RANGAP1: variants seen among roughly 807,000 people sequenced by gnomAD.
The protein encoded by RANGAP1 is Ran GTPase activating protein 1.
RANGAP1 carries 38 observed loss-of-function variants against 63.5 expected under a neutral mutation model. The observed-to-expected ratio is 0.60, with a 90% CI of 0.46 to 0.78. RANGAP1 has a LOEUF of 0.78. RANGAP1 is among the 30% of genes least tolerant of loss of function. The probability of loss-of-function intolerance (pLI) is 0.00; values close to 1 mark genes in which losing one functional copy is unlikely to be tolerated. For synonymous variants in RANGAP1, 329 were observed against 310.5 expected (o/e 1.06, Z -0.63); for missense variants, 630 against 740.3 (o/e 0.85, Z 1.73).
Position 41,257,576 on chromosome 22 carries a change from C to A in RANGAP1, c.774+372G>T, listed in dbSNP as rs1569181552. Among the ~76,000 whole-genome samples the A allele has an allele frequency of 6.6e-6, 1 of 152,156 alleles. No individual in the cohort carries two copies. Among genetic ancestry groups the A allele is most frequent in the African/African-American group, 2.4e-5 (1 of 41,428 alleles). On this transcript the variant is annotated intron_variant, in intron 7 of 15. Transcript: ENST00000356244. The surrounding 1 kb of genome is among the most constrained non-coding windows in gnomAD (Gnocchi z 4.0). ...ACCAGCTTGGGCAACAGTAAGATTC[C>A]GTCTCAAAAAGTGATAATAAATAAC...
intron 2 of RANGAP1, among the ~76,000 whole-genome samples, chr22:41,280,468 C>T (rs2035432177): frequency 6.6e-6 from 1 of 152,244 alleles, no homozygotes; most frequent in African/African-American, 2.4e-5. Flanking sequence ...CTCCCAGGTA[C>T]ATCTGGTTGC....
the RANGAP1 span, among the ~76,000 whole-genome samples, chr22:41,294,930 G>A: frequency 2.0e-5 from 2 of 101,226 alleles, no homozygotes; most frequent in Non-Finnish European, 4.0e-5. Flanking sequence ...GGAGGGAGGT[G>A]GGGGATCAGC....
At chr22:41,294,321 C>T in the RANGAP1 span, among the ~76,000 whole-genome samples, 116 of 152,336 alleles carry the variant, frequency 7.6e-4, no homozygotes, top group East Asian at 2.5e-3. Context: ...CCCGAGGTGC[C>T]GGGATTGCAG....
chr22:41,258,220 A>T, intron 6 of RANGAP1, 114 bp from the exon 7 acceptor site: 1 of 1,213,436 alleles, frequency 8.2e-7, no homozygotes, highest in Non-Finnish European at 1.1e-6. Context: ...AGCACAGGGC[A>T]GGGGCCTGTC....
intron 1 of RANGAP1, among the ~76,000 whole-genome samples, chr22:41,284,006 T>C (rs893937685): frequency 1.3e-5 from 2 of 152,140 alleles, no homozygotes; most frequent in African/African-American, 4.8e-5. Context: ...CCTAGTACTT[T>C]GGGAGGCTGA....
intron 5 of RANGAP1, among the ~76,000 whole-genome samples, chr22:41,264,360 G>A (rs78297741): frequency 0.016 from 2,428 of 152,322 alleles, 60 homozygotes; most frequent in African/African-American, 0.056. Context: ...GCTGCTCTGC[G>A]GGTACAGTGA....
intron 6 of RANGAP1, among the ~76,000 whole-genome samples, chr22:41,260,283 C>T (rs559702750): frequency 3.3e-5 from 5 of 152,284 alleles, no homozygotes; most frequent in Admixed American, 1.3e-4. Flanking sequence ...AACCACAGCG[C>T]ACCCCCTCCT....
the RANGAP1 span, among the ~76,000 whole-genome samples, chr22:41,298,218 G>T: frequency 6.6e-6 from 1 of 151,604 alleles, no homozygotes; most frequent in East Asian, 1.9e-4. Flanking sequence ...GGCTAGGCTG[G>T]TCTTGAACTC....
chr22:41,292,553 T>A, the RANGAP1 span, among the ~76,000 whole-genome samples: 6 of 148,438 alleles, frequency 4.0e-5, no homozygotes, highest in African/African-American at 9.9e-5. Context: ...GAGCTCAGGA[T>A]TTTGAGACCC....
chr22:41,268,064 CGCGTG>C lies in RANGAP1; in HGVS notation c.300+28_300+32del, dbSNP rs749394918. ...CTGGGAATTGCCAAAGAGGGCCTTGCGCGTGGAGGGGAAGAGCGGCTAGTTCGCTT... is the reference window on the plus strand; with the variant it reads ...CTGGGAATTGCCAAAGAGGGCCTTGCGAGGGGAAGAGCGGCTAGTTCGCTT... On this transcript the variant is annotated intron_variant, in intron 4 of 15. Coordinates refer to ENST00000356244, the MANE Select transcript of RANGAP1 (RefSeq NM_002883.4). 3 of 1,497,936 alleles carry C rather than the reference CGCGTG, an allele frequency of 2.0e-6. No homozygotes were observed. The South Asian group carries it at 3.6e-5, about 18-fold the overall frequency. 92.8% of individuals were successfully genotyped at this position (1,497,936 alleles called of 1,614,324 possible).
At chr22:41,295,701 A>C in the RANGAP1 span, among the ~76,000 whole-genome samples, 1 of 151,340 alleles carries the variant, frequency 6.6e-6, no homozygotes, top group African/African-American at 2.4e-5. Context: ...TCAATTAAAA[A>C]AAAAAAAAAA....
At chr22:41,280,602 T>G in intron 2 of RANGAP1, 1 of 1,184,118 alleles carries the variant, frequency 8.4e-7, no homozygotes, top group Non-Finnish European at 1.1e-6. Context: ...AGGGCAAGGG[T>G]GGGGACAACA....
intron 15 of RANGAP1, among the ~76,000 whole-genome samples, chr22:41,248,983 C>T (rs185897441): frequency 6.6e-6 from 1 of 152,348 alleles, no homozygotes; most frequent in East Asian, 1.9e-4. Flanking sequence ...GCTCAGCAGA[C>T]ATGGGTCTGG....
chr22:41,262,277 G>A lies in RANGAP1; in HGVS notation c.481-697C>T, dbSNP rs56953384. Among the ~76,000 whole-genome samples the A allele has an allele frequency of 3.0e-3, 459 of 152,290 alleles. 12 individuals carry two copies. In the East Asian group the frequency reaches 0.065, roughly 22 times the overall value. Reference sequence around the variant, plus strand: ...ACCATTAGGAAAAGCACTGAAAAACGGAGACTGACCGATGGGAATCAGAGC... The same window carrying A: ...ACCATTAGGAAAAGCACTGAAAAACAGAGACTGACCGATGGGAATCAGAGC... On this transcript the variant is annotated intron_variant, in intron 5 of 15. Transcript: ENST00000356244.
At chr22:41,273,793 A>AAG in intron 3 of RANGAP1, among the ~76,000 whole-genome samples, 2 of 141,454 alleles carry the variant, frequency 1.4e-5, no homozygotes, top group African/African-American at 2.6e-5. Flanking sequence ...AAAAAAAAAA[A>AAG]GGCCGGGAGC....
chr22:41,290,229 C>CTT (rs11336113), upstream of RANGAP1, among the ~76,000 whole-genome samples: 20 of 108,298 alleles, frequency 1.8e-4, no homozygotes, highest in African/African-American at 6.6e-4. Context: ...ATTATTATTA[C>CTT]TTTTTTTTTT....
chr22:41,274,790 G>C, intron 2 of RANGAP1, 63 bp from the exon 3 acceptor site: 1 of 1,598,674 alleles, frequency 6.3e-7, no homozygotes, highest in Non-Finnish European at 8.5e-7. Context: ...AGATAGGAGA[G>C]AGGTTGGCAA....
intron 2 of RANGAP1, among the ~76,000 whole-genome samples, chr22:41,275,406 G>A (rs1474419758): frequency 6.6e-6 from 1 of 150,874 alleles, no homozygotes; most frequent in African/African-American, 2.4e-5. Flanking sequence ...GCAGGAGAAT[G>A]TCTTGAACCT....
Position 41,252,910 on chromosome 22 carries a change from G to C in RANGAP1, c.1342C>G (p.Arg448Gly). The change falls in exon 12 of 16, where the codon CGC becomes GGC. Residue 448 changes from arginine to glycine, a missense_variant. Around this residue, in one of 3 missense-constraint regions of RANGAP1, gnomAD observed 428 missense variants for 465.5 expected, o/e 0.92. Transcript: ENST00000356244. Reference sequence around the variant, plus strand: ...AGCACGGAGCTCTTGGGCCCTAGGCGCAGCAGCTTCTCTGGAGAGGGAAAA... The same window carrying C: ...AGCACGGAGCTCTTGGGCCCTAGGCCCAGCAGCTTCTCTGGAGAGGGAAAA... ...LAFPSPEKLL[R>G]LGPKSSVLIA... The C allele has an allele frequency of 1.3e-6, 2 of 1,572,810 alleles. No individual in the cohort carries two copies. The highest frequency in any genetic ancestry group is 2.8e-5 in the African/African-American group (2 of 71,410).
Sources: gnomAD v4.1 joint callset for allele counts (sites outside exome capture counted in the v4.1 genomes callset) on GRCh38, gnomAD v4.1.1 for gene constraint, gnomAD v4.1.1 regional missense constraint, Gnocchi (gnomAD v3.1) non-coding constraint, MANE v1.5 for transcripts, NCBI Gene and HGNC (gene_info 2026-07-23, HGNC 2026-07-21) for gene names.